The following INTS13 variants were observed in gnomAD, a reference collection of about 807,000 sequenced individuals.
The protein encoded by INTS13 is asunder, spermatogenesis regulator homolog (Drosphila).
INTS13 carries 35 observed loss-of-function variants against 90.2 expected under a neutral mutation model. The ratio of observed to expected loss-of-function variants is 0.39; its 90% CI spans 0.30 to 0.51. The LOEUF is 0.51. INTS13 is among the 20% of genes least tolerant of loss of function. The pLI is 0.80. For missense variants in INTS13, 601 were observed against 851.2 expected (o/e 0.71, Z 3.66); for synonymous variants, 309 against 277.1 (o/e 1.11, Z -1.14).
chr12:26,930,145 T>C (rs1474364663), intron 3 of INTS13, among the ~76,000 whole-genome samples: 2 of 152,114 alleles, frequency 1.3e-5, no homozygotes, highest in East Asian at 3.8e-4. Flanking sequence ...CAACAAAACA[T>C]TGTTGAAGAA....
At chr12:26,937,280 G>A (rs1256836698) in intron 1 of INTS13, among the ~76,000 whole-genome samples, 1 of 152,110 alleles carries the variant, frequency 6.6e-6, no homozygotes, top group Non-Finnish European at 1.5e-5. Flanking sequence ...GGGTAGGGGT[G>A]CGGAATTAAC....
At chr12:26,917,596 T>TA in intron 9 of INTS13, 48 bp downstream of exon 9, 1 of 1,537,248 alleles carries the variant, frequency 6.5e-7, no homozygotes, top group East Asian at 2.3e-5. Context: ...ATATAATACC[T>TA]TAAGAACCTT....
rs1951872011 is a variant in INTS13 at position 26,914,330 on chromosome 12, AT to A, written c.1419+77del. ...ATTCTTTGCTTAAGAAATGGTATAAATTACAAATTGTCTAATTGATTTCTAT... is the reference window on the plus strand; with the variant it reads ...ATTCTTTGCTTAAGAAATGGTATAAATACAAATTGTCTAATTGATTTCTAT... On this transcript the variant is annotated intron_variant, in intron 12 of 16. Coordinates refer to ENST00000261191, the MANE Select transcript of INTS13 (RefSeq NM_018164.3). 6 of 1,393,568 alleles carry A rather than the reference AT, an allele frequency of 4.3e-6. No homozygotes were observed. In the East Asian group the frequency reaches 1.3e-4, roughly 29 times the overall value. The allele number at this position is 1,393,568 out of a possible 1,614,324, so 86.3% of individuals were successfully genotyped here.
Position 26,913,611 on chromosome 12 carries a change from G to A in INTS13, c.1651C>T (p.Gln551Ter). 1 of 1,614,028 alleles carries A rather than the reference G, an allele frequency of 6.2e-7. No individual in the cohort carries two copies. The highest frequency in any genetic ancestry group is 8.5e-7 in the Non-Finnish European group (1 of 1,180,000). Residue 551 changes from glutamine (Q) to a stop codon, truncating the protein, a stop_gained, in exon 14 of 17, where the codon CAA (glutamine) becomes TAA (stop). Transcript: ENST00000261191. LOFTEE classifies it high-confidence loss of function. ...RAHINNSEKH[Q>*]RVLECLMACR... ...GCCATCAGACATTCCAAGACTCTTT[G>A]ATGTTTCTCTGAGTTGTTGATATGG...
At chr12:26,920,629 G>A (rs1048395344) in intron 8 of INTS13, among the ~76,000 whole-genome samples, 2 of 152,050 alleles carry the variant, frequency 1.3e-5, no homozygotes, top group South Asian at 2.1e-4. Context: ...TCTTGACCTC[G>A]TCATCCACCT....
In INTS13 at chr12:26,928,186, AT is replaced by A; in HGVS notation, c.584+18del. ...CTATCCACATGAACATATTTATTTC[AT>A]TTATGAATTATACTCACTGATCTGA... On this transcript the variant is annotated intron_variant, in intron 5 of 16. Coordinates refer to ENST00000261191, the MANE Select transcript of INTS13 (RefSeq NM_018164.3). The A allele has an allele frequency of 6.4e-7, 1 of 1,555,150 alleles. No individual in the cohort carries two copies.
At chr12:26,922,249 T>C (rs1952141896) in intron 8 of INTS13, among the ~76,000 whole-genome samples, 1 of 152,258 alleles carries the variant, frequency 6.6e-6, no homozygotes, top group African/African-American at 2.4e-5. Flanking sequence ...TATCTCATCA[T>C]GTAGGTATTT....
At chr12:26,914,610 AC>A in intron 11 of INTS13, 32 bp from the exon 12 acceptor site, 5 of 1,536,354 alleles carry the variant, frequency 3.3e-6, no homozygotes, top group Non-Finnish European at 4.5e-6. Context: ...AAAATTAGAA[AC>A]TATGTCTAAT....
At chr12:26,914,606 A>G (rs780665416) in intron 11 of INTS13, 28 bp from the exon 12 acceptor site, 1 of 1,549,174 alleles carries the variant, frequency 6.5e-7, no homozygotes, top group South Asian at 1.1e-5. Flanking sequence ...AGATAAAATT[A>G]GAAACTATGT....
chr12:26,914,203 ATT>A, intron 12 of INTS13, 75 bp from the exon 13 acceptor site: 3 of 1,362,798 alleles, frequency 2.2e-6, no homozygotes, highest in Non-Finnish European at 2.0e-6. Flanking sequence ...GCAGAACTTG[ATT>A]TTCGAAAGGA....
At chr12:26,925,946 C>T in intron 5 of INTS13, 95 bp from the exon 6 acceptor site, 1 of 805,918 alleles carries the variant, frequency 1.2e-6, no homozygotes, top group Non-Finnish European at 2.0e-6. Flanking sequence ...ATTAAAACAT[C>T]ATATTGCTAC....
At chr12:26,931,967 A>G in intron 3 of INTS13, among the ~76,000 whole-genome samples, 1 of 151,614 alleles carries the variant, frequency 6.6e-6, no homozygotes, top group East Asian at 2.0e-4. Context: ...GGCGCCTGTA[A>G]TTCCAGCTGC....
chr12:26,929,010 A>C (rs1052894814), intron 3 of INTS13, 105 bp from the exon 4 acceptor site: 4 of 999,212 alleles, frequency 4.0e-6, no homozygotes, highest in Admixed American at 2.7e-5. Flanking sequence ...ATATATGGAC[A>C]TGAACATTCT....
At chr12:26,921,771 T>A (rs977615315) in intron 8 of INTS13, among the ~76,000 whole-genome samples, 2 of 152,190 alleles carry the variant, frequency 1.3e-5, no homozygotes, top group African/African-American at 4.8e-5. Context: ...TTCTCCTGCT[T>A]GAGCCTCACA....
intron 7 of INTS13, 124 bp downstream of exon 7, chr12:26,924,231 G>T: frequency 1.0e-6 from 1 of 993,476 alleles, no homozygotes; most frequent in Non-Finnish European, 1.5e-6. Flanking sequence ...GGCCTCAAGT[G>T]ATCCTCCCAT....
chr12:26,937,086 A>G (rs976840180), intron 1 of INTS13, among the ~76,000 whole-genome samples: 4 of 152,218 alleles, frequency 2.6e-5, no homozygotes, highest in Admixed American at 2.6e-4. Context: ...TGAACTTAAA[A>G]TTGTCAGAGG....
At chr12:26,930,481 G>A (rs555801071) in intron 3 of INTS13, among the ~76,000 whole-genome samples, 1 of 152,288 alleles carries the variant, frequency 6.6e-6, no homozygotes, top group South Asian at 2.1e-4. Flanking sequence ...GAAAAGGTGT[G>A]ACATGGATAA....
At chr12:26,922,510 G>A (rs1354830308) in intron 8 of INTS13, 106 bp downstream of exon 8, 2 of 695,770 alleles carry the variant, frequency 2.9e-6, no homozygotes, top group African/African-American at 1.8e-5. Flanking sequence ...GAGATTTCAG[G>A]CATCCACTGG....
At chr12:26,928,356 C>T (rs574435266) in intron 4 of INTS13, 71 bp from the exon 5 acceptor site, 94 of 1,190,998 alleles carry the variant, frequency 7.9e-5, no homozygotes, top group African/African-American at 6.6e-4. Flanking sequence ...AACACTCTTC[C>T]GCTTTAATAT....
Sources: gnomAD v4.1 joint callset for allele counts (sites outside exome capture counted in the v4.1 genomes callset) on GRCh38, gnomAD v4.1.1 for gene constraint, MANE v1.5 for transcripts, NCBI Gene and HGNC (gene_info 2026-07-23, HGNC 2026-07-21) for gene names.